Variants in SOX30 observed in about 807,000 individuals in gnomAD.
SOX30 encodes the protein SRY-box transcription factor 30.
Under a neutral mutation model 58.6 loss-of-function variants are expected in SOX30, and 17 were observed. The ratio of observed to expected loss-of-function variants is 0.29; its 90% CI spans 0.20 to 0.44. SOX30 has a LOEUF of 0.44. Among genes scored for constraint, SOX30 ranks in the 20% least tolerant of loss-of-function variants. The probability of loss-of-function intolerance (pLI) is 1.00; values close to 1 mark genes in which losing one functional copy is unlikely to be tolerated. For synonymous variants in SOX30, 421 were observed against 400.2 expected (o/e 1.05, Z -0.62); for missense variants, 951 against 965.8 (o/e 0.98, Z 0.20).
At position 157,630,876 on chromosome 5, in the gene SOX30, T is replaced by C. The variant is rs59878947; in HGVS notation, c.1881-4155A>G. The stretch of plus-strand genomic sequence containing the variant: ...TATTATATATTTTTATATATATATA[T>C]ACAATATATATAATTTTATATATAT... On this transcript the variant is annotated intron_variant, in intron 4 of 4. Coordinates refer to ENST00000265007, the MANE Select transcript of SOX30 (RefSeq NM_178424.2). Among the ~76,000 whole-genome samples, 784 of 131,988 alleles carry C rather than the reference T, an allele frequency of 5.9e-3. 8 individuals carry two copies. Among genetic ancestry groups the C allele is most frequent in the African/African-American group, 0.021 (719 of 33,544 alleles). The allele number at this position is 131,988 out of a possible 152,430, so 86.6% of individuals were successfully genotyped here.
upstream of SOX30, among the ~76,000 whole-genome samples, chr5:157,656,097 G>A (rs1022952065): frequency 5.3e-5 from 8 of 152,160 alleles, no homozygotes; most frequent in Admixed American, 2.0e-4. Context: ...GTGGTGGCCC[G>A]GGTTCAGGGT....
At chr5:157,633,034 C>A (rs537178120) in intron 4 of SOX30, among the ~76,000 whole-genome samples, 2 of 152,154 alleles carry the variant, frequency 1.3e-5, no homozygotes, top group African/African-American at 4.8e-5. Flanking sequence ...GGCTGCAGAA[C>A]CCCAGTCTGG....
upstream of SOX30, among the ~76,000 whole-genome samples, chr5:157,655,166 G>A (rs1030437043): frequency 6.6e-6 from 1 of 152,084 alleles, no homozygotes; most frequent in Non-Finnish European, 1.5e-5. Flanking sequence ...CATCTTTCTG[G>A]CAACTATGGA....
intron 1 of SOX30, among the ~76,000 whole-genome samples, chr5:157,649,760 A>T (rs1037275500): frequency 7.2e-5 from 11 of 152,240 alleles, no homozygotes; most frequent in African/African-American, 2.7e-4. Flanking sequence ...ACGGTACTCC[A>T]GACTGGGCAA....
intron 3 of SOX30, among the ~76,000 whole-genome samples, chr5:157,642,740 C>G (rs1759099630): frequency 6.6e-6 from 1 of 151,950 alleles, no homozygotes; most frequent in Non-Finnish European, 1.5e-5. Context: ...TGCGGTGAGG[C>G]AAATGCAAAA....
At chr5:157,636,791 T>A (rs1188623333) in intron 4 of SOX30, among the ~76,000 whole-genome samples, 1 of 152,156 alleles carries the variant, frequency 6.6e-6, no homozygotes, top group African/African-American at 2.4e-5. Flanking sequence ...TACTCCCGTC[T>A]CAACAGAAAC....
At chr5:157,650,013 G>C (rs903670517) in intron 1 of SOX30, among the ~76,000 whole-genome samples, 3 of 152,074 alleles carry the variant, frequency 2.0e-5, no homozygotes, top group African/African-American at 7.2e-5. Context: ...CCAGGAGTTC[G>C]AGACCAGCAT....
Position 157,651,881 on chromosome 5 carries a change from C to T in SOX30, c.198G>A (p.Ala66=), listed in dbSNP as rs74332701. 4.5e-4 allele frequency: 704 copies of T among 1,550,694 alleles called. 5 individuals carry two copies. In the African/African-American group the frequency reaches 8.6e-3, roughly 19 times the overall value. The change falls in exon 1 of 5, where the codon GCG becomes GCA. Residue 66 remains alanine, a synonymous_variant. Coordinates refer to ENST00000265007, the MANE Select transcript of SOX30 (RefSeq NM_178424.2). ...GCTTCACCTGCAGCAGCCGCCGCACCGCGGGCTGTAAGCCGGACGCCACTG... is the reference window on the plus strand; with the variant it reads ...GCTTCACCTGCAGCAGCCGCCGCACTGCGGGCTGTAAGCCGGACGCCACTG... ...GEAVASGLQP[A]VRRLLQVKPE... is the part of the protein sequence containing the mutation.
chr5:157,631,906 G>A (rs994237841), intron 4 of SOX30, among the ~76,000 whole-genome samples: 3 of 151,344 alleles, frequency 2.0e-5, no homozygotes, highest in East Asian at 3.9e-4. Context: ...AGCTGGGCAT[G>A]GTGGTGCACA....
intron 1 of SOX30, among the ~76,000 whole-genome samples, chr5:157,668,826 T>C (rs1759716613): frequency 6.6e-6 from 1 of 151,930 alleles, no homozygotes; most frequent in Non-Finnish European, 1.5e-5. Context: ...GCCCCTCCTA[T>C]TTCATCGATG....
intron 3 of SOX30, among the ~76,000 whole-genome samples, chr5:157,643,100 GGACAACAACAAC>G (rs1472095539): frequency 6.8e-6 from 1 of 147,740 alleles, no homozygotes; most frequent in East Asian, 2.0e-4. Context: ...AGAAGAAAAC[GGACAACAACAAC>G]AACAACAACA....
rs1337425637 is a variant in SOX30, at chr5:157,652,192, C to G, written c.-114G>C. The G allele has an allele frequency of 1.2e-5, 16 of 1,327,558 alleles. No individual in the cohort carries two copies. The highest frequency in any genetic ancestry group is 1.4e-5 in the Non-Finnish European group (15 of 1,046,534). 82.2% of individuals were successfully genotyped at this position (1,327,558 alleles called of 1,614,324 possible). On this transcript the variant is annotated 5_prime_UTR_variant, in exon 1 of 5. Coordinates refer to ENST00000265007, the MANE Select transcript of SOX30 (RefSeq NM_178424.2). The stretch of plus-strand genomic sequence containing the variant: ...GGCCTTTGCTACCCAGAACCCTACG[C>G]GGTTCAAAACGCAGCTGTCTGTCTG...
intron 2 of SOX30, among the ~76,000 whole-genome samples, chr5:157,647,539 C>T (rs1319650847): frequency 2.0e-5 from 3 of 151,904 alleles, no homozygotes; most frequent in African/African-American, 7.3e-5. Flanking sequence ...TCTTACAATG[C>T]AATAGTCACT....
At chr5:157,665,353 A>AAACCAAAC (rs1427077115) in intron 2 of SOX30, among the ~76,000 whole-genome samples, 11 of 152,204 alleles carry the variant, frequency 7.2e-5, no homozygotes, top group Non-Finnish European at 1.2e-4. Flanking sequence ...CAAGGACAAA[A>AAACCAAAC]AACCAAACAT....
chr5:157,665,683 T>C (rs1412941981), intron 2 of SOX30, among the ~76,000 whole-genome samples: 3 of 147,498 alleles, frequency 2.0e-5, no homozygotes, highest in Non-Finnish European at 4.5e-5. Context: ...ATATAAATAA[T>C]TATAATTTAT....
chr5:157,663,237 CA>C (rs1312297737), intron 2 of SOX30, among the ~76,000 whole-genome samples: 22 of 152,262 alleles, frequency 1.4e-4, no homozygotes, highest in African/African-American at 5.3e-4. Flanking sequence ...AGCAGCACGT[CA>C]AAAAGCTTAT....
chr5:157,653,591 G>A (rs182299333), upstream of SOX30, among the ~76,000 whole-genome samples: 3 of 152,242 alleles, frequency 2.0e-5, no homozygotes, highest in Admixed American at 2.0e-4. Flanking sequence ...CTTTTAGTAG[G>A]ATTGTGTTTA....
intron 3 of SOX30, among the ~76,000 whole-genome samples, chr5:157,639,082 T>C (rs563108489): frequency 6.6e-6 from 1 of 152,292 alleles, no homozygotes; most frequent in East Asian, 1.9e-4. Flanking sequence ...AATAAAATTA[T>C]TGATAGATAT....
At chr5:157,667,682 T>G in intron 2 of SOX30, 8 of 1,391,106 alleles carry the variant, frequency 5.8e-6, no homozygotes, top group Non-Finnish European at 7.6e-6. Context: ...GAGGCTGCAG[T>G]GACCTGATAT....
Sources: allele counts gnomAD v4.1 joint callset (sites outside exome capture counted in the v4.1 genomes callset), GRCh38; gene constraint gnomAD v4.1.1; transcripts MANE v1.5; gene names NCBI Gene and HGNC (gene_info 2026-07-23, HGNC 2026-07-21).